The following HEPH variants were observed in gnomAD, a reference collection of about 807,000 sequenced individuals.
The protein encoded by HEPH is hephaestin.
In HEPH, 69 loss-of-function variants were observed where a neutral mutation model predicts 80.8. The observed-to-expected ratio is 0.85, with a 90% CI of 0.70 to 1.04. HEPH has a LOEUF of 1.04. Among genes scored for constraint, HEPH ranks in the 50% least tolerant of loss-of-function variants. The pLI, the probability that HEPH is intolerant of heterozygous loss-of-function variation, is 0.00. For missense variants in HEPH, 1,115 were observed against 891.3 expected, an observed-to-expected ratio of 1.25 and a Z score of -3.20; for synonymous variants, 431 against 322.8, an observed-to-expected ratio of 1.34 and a Z score of -3.60.
chrX:66,254,783 G>GA (rs963025211), intron 15 of HEPH, among the ~76,000 whole-genome samples: 15 of 69,182 alleles, frequency 2.2e-4, no homozygotes, highest in Admixed American at 8.4e-4. Flanking sequence ...TAAAAGCAGA[G>GA]AAAAAAAAGT....
chrX:66,206,529 A>AT (rs1157953703), intron 13 of HEPH, among the ~76,000 whole-genome samples: 32 of 101,963 alleles, frequency 3.1e-4, no homozygotes, highest in South Asian at 1.9e-3. Flanking sequence ...CACCCAGCTG[A>AT]TTTTTTTTTT....
intron 5 of HEPH, 135 bp downstream of exon 5, chrX:66,188,676 T>A: frequency 6.2e-6 from 3 of 484,923 alleles, no homozygotes; most frequent in Non-Finnish European, 6.8e-6. Context: ...AGTAGATGGC[T>A]CTTCCCTGTT....
At chrX:66,206,614 G>A (rs2088794910) in intron 13 of HEPH, among the ~76,000 whole-genome samples, 1 of 108,421 alleles carries the variant, frequency 9.2e-6, no homozygotes, top group African/African-American at 3.3e-5. Flanking sequence ...CAATCTACCG[G>A]CCTTAGCATC....
intron 18 of HEPH, 127 bp downstream of exon 18, chrX:66,259,106 G>C: frequency 1.4e-6 from 1 of 706,059 alleles, no homozygotes; most frequent in Non-Finnish European, 1.9e-6. Context: ...AGTACATGGA[G>C]CACTGAGCTG....
At chrX:66,221,501 T>A (rs1244258349) in intron 15 of HEPH, among the ~76,000 whole-genome samples, 1 of 112,739 alleles carries the variant, frequency 8.9e-6, no homozygotes, top group African/African-American at 3.2e-5. Flanking sequence ...TTATTTTGTC[T>A]GCTTCTTGTG....
intron 15 of HEPH, among the ~76,000 whole-genome samples, chrX:66,250,341 C>G: frequency 8.9e-6 from 1 of 111,821 alleles, no homozygotes; most frequent in East Asian, 2.8e-4. Flanking sequence ...CAAGCCTAAA[C>G]TCTTCTATAA....
intron 15 of HEPH, among the ~76,000 whole-genome samples, chrX:66,217,503 C>G (rs958828769): frequency 9.0e-6 from 1 of 111,386 alleles, no homozygotes; most frequent in Non-Finnish European, 1.9e-5. Flanking sequence ...TTGCCACTAC[C>G]AAGTCAGCAC....
chrX:66,243,900 A>G (rs186077406), intron 15 of HEPH, among the ~76,000 whole-genome samples: 1 of 111,883 alleles, frequency 8.9e-6, no homozygotes, highest in African/African-American at 3.2e-5. Context: ...CCTGAAAAGG[A>G]TCTTAGGATC....
intron 15 of HEPH, among the ~76,000 whole-genome samples, chrX:66,244,789 C>T (rs2148113519): frequency 9.0e-6 from 1 of 110,651 alleles, no homozygotes; most frequent in Non-Finnish European, 1.9e-5. Context: ...GGCTGATGTT[C>T]CTTCAGTCTT....
At chrX:66,167,359 C>A (rs1215322920) in intron 1 of HEPH, among the ~76,000 whole-genome samples, 2 of 112,433 alleles carry the variant, frequency 1.8e-5, no homozygotes, top group Non-Finnish European at 3.8e-5. Context: ...TCATAAGTCA[C>A]CACTGTTGAA....
At chrX:66,175,675 GATTTTTTTCTGCAGTGT>G (rs2147540207) in intron 4 of HEPH, among the ~76,000 whole-genome samples, 1 of 111,332 alleles carries the variant, frequency 9.0e-6, no homozygotes, top group East Asian at 2.8e-4. Context: ...TGTCATCCAT[GATTTTTTTCTGCAGTGT>G]TTTGTAGTTC....
In HEPH at chrX:66,233,935, G is replaced by A. The variant is rs370862281; in HGVS notation, c.2564-21100G>A. Among the ~76,000 whole-genome samples, 9 of 109,208 alleles carry A rather than the reference G, an allele frequency of 8.2e-5. No homozygotes were observed. The East Asian group carries it at 2.6e-3, about 31-fold the overall frequency. The allele number at this position is 109,208 out of a possible 115,157, so 94.8% of individuals were successfully genotyped here. A position where few individuals can be genotyped will look rare whatever the true frequency, so the allele number is the denominator to read the frequency against. Reference sequence around the variant, plus strand: ...TTTAATTTTTTATTTTAAGTTCAGGGGTACATGTTCAAGTTTGTTATATAG... The same window carrying A: ...TTTAATTTTTTATTTTAAGTTCAGGAGTACATGTTCAAGTTTGTTATATAG... On this transcript the variant is annotated intron_variant, in intron 15 of 20. Transcript: ENST00000343002.
chrX:66,191,996 G>GC (rs753374038), intron 6 of HEPH, 134 bp from the exon 7 acceptor site: 2 of 570,893 alleles, frequency 3.5e-6, no homozygotes, highest in East Asian at 7.4e-5. Context: ...AGAGAAAGCG[G>GC]CCCATTTTGG....
chrX:66,214,961 G>T (rs1175863615), intron 15 of HEPH, among the ~76,000 whole-genome samples: 2 of 111,348 alleles, frequency 1.8e-5, no homozygotes, highest in Non-Finnish European at 3.8e-5. Context: ...TTAGGTGTAT[G>T]TTATTTTTCC....
Position 66,189,539 on chromosome X carries a change from A to G in HEPH, c.809-145A>G, listed in dbSNP as rs1019828003. On this transcript the variant is annotated intron_variant, in intron 5 of 20. Transcript: ENST00000343002. ...CCTATTTCTCAGGGATGTTTTTGAG[A>G]TTTAAAGAAGATAATACATAGGTCA... 6.8e-6 allele frequency: 4 copies of G among 591,284 alleles called. No individual in the cohort carries two copies. In the East Asian group the frequency reaches 1.4e-4, roughly 20 times the overall value. The allele number at this position is 591,284 out of a possible 1,213,427, so 48.7% of individuals were successfully genotyped here.
chrX:66,166,682 C>T (rs1479386091), intron 1 of HEPH, among the ~76,000 whole-genome samples: 4 of 111,910 alleles, frequency 3.6e-5, no homozygotes. Flanking sequence ...CCAGCTGCTG[C>T]AAAAATTTAT....
chrX:66,248,671 G>A (rs1187532425), intron 15 of HEPH, among the ~76,000 whole-genome samples: 1 of 112,259 alleles, frequency 8.9e-6, no homozygotes, highest in Non-Finnish European at 1.9e-5. Flanking sequence ...ATAAATTCAT[G>A]CAGGTTTTTC....
In HEPH at chrX:66,165,592, T is replaced by G. The variant is rs923235498; in HGVS notation, c.-14+1122T>G. On this transcript the variant is annotated intron_variant, in intron 1 of 20. Coordinates refer to ENST00000343002, the MANE Select transcript of HEPH (RefSeq NM_001367233.3). ...TTGCAAATTCTAGGGAACACAGCAA[T>G]GCAAATTGTTATGAATAATAGGGAC... 3.6e-5 allele frequency among the ~76,000 whole-genome samples: 4 copies of G among 110,985 alleles called. No homozygotes were observed. The East Asian group carries it at 8.5e-4, about 24-fold the overall frequency.
chrX:66,196,839 A>C (rs1465873313), intron 9 of HEPH, among the ~76,000 whole-genome samples: 1 of 109,973 alleles, frequency 9.1e-6, no homozygotes, highest in Non-Finnish European at 1.9e-5. Flanking sequence ...TGCATATATT[A>C]TTCTACTTGT....
Sources: allele counts gnomAD v4.1 joint callset (sites outside exome capture counted in the v4.1 genomes callset), GRCh38; gene constraint gnomAD v4.1.1; transcripts MANE v1.5; gene names NCBI Gene and HGNC (gene_info 2026-07-23, HGNC 2026-07-21).